The following SCAF4 variants were observed in gnomAD, a reference collection of about 807,000 sequenced individuals.
SCAF4 encodes SR-related CTD associated factor 4, also known as SR-related and CTD-associated factor 4.
A neutral mutation model predicts 129.8 loss-of-function variants in SCAF4; 25 were observed. The ratio of observed to expected loss-of-function variants is 0.19; its 90% confidence interval spans 0.14 to 0.27. The LOEUF is 0.27. SCAF4 is among the 10% of genes least tolerant of loss of function. SCAF4 has a pLI of 1.00. For synonymous variants in SCAF4, 551 were observed against 497.7 expected (o/e 1.11, Z -1.43); for missense variants, 1,246 against 1,457.1 (o/e 0.86, Z 2.36).
chr21:31,686,769 G>A (rs999964441), intron 16 of SCAF4, among the ~76,000 whole-genome samples: 1 of 152,136 alleles, frequency 6.6e-6, no homozygotes, highest in African/African-American at 2.4e-5. Flanking sequence ...GAACCCTGTC[G>A]TGAAATGCAC....
intron 1 of SCAF4, among the ~76,000 whole-genome samples, chr21:31,711,361 C>CA (rs1480311490): frequency 6.6e-6 from 1 of 152,240 alleles, no homozygotes; most frequent in Non-Finnish European, 1.5e-5. Flanking sequence ...CTGATACCTA[C>CA]AGCAATGCCT....
chr21:31,676,704 A>G (rs1271276384), intron 19 of SCAF4, among the ~76,000 whole-genome samples: 2 of 152,188 alleles, frequency 1.3e-5, no homozygotes, highest in African/African-American at 4.8e-5. Flanking sequence ...GTAAGGTAAA[A>G]TTCACACATC....
At chr21:31,722,875 C>T (rs189652735) in intron 1 of SCAF4, among the ~76,000 whole-genome samples, 51 of 152,284 alleles carry the variant, frequency 3.3e-4, no homozygotes, top group African/African-American at 1.0e-3. Flanking sequence ...ACCGCTTGAA[C>T]CCAGGAGGCG....
chr21:31,688,561 G>T, intron 15 of SCAF4, 97 bp from the exon 16 acceptor site: 2 of 957,914 alleles, frequency 2.1e-6, no homozygotes, highest in Non-Finnish European at 3.2e-6. Flanking sequence ...ACCTAGCCCA[G>T]TTATTAAAGA....
At position 31,719,774 on chromosome 21, in the gene SCAF4, G is replaced by C. The variant is rs551243447; in HGVS notation, c.30+11889C>G. The stretch of plus-strand genomic sequence containing the variant: ...CTGCCTTGGCCTCCCAAAGTGCTGG[G>C]ATTACAGGCGTGAGCCACCGCGCCT... On this transcript the variant is annotated intron_variant, in intron 1 of 19. Coordinates refer to ENST00000286835, the MANE Select transcript of SCAF4 (RefSeq NM_020706.2). Among the ~76,000 whole-genome samples the C allele has an allele frequency of 2.1e-3, 314 of 152,264 alleles. 1 individual carries two copies. The highest frequency in any genetic ancestry group is 6.8e-3 in the African/African-American group (284 of 41,560).
In SCAF4 at chr21:31,703,871, T is replaced by C; in HGVS notation, c.215A>G (p.Gln72Arg). 6.3e-7 allele frequency: 1 copy of C among 1,598,760 alleles called. No homozygotes were observed. The highest frequency in any genetic ancestry group is 8.6e-7 in the Non-Finnish European group (1 of 1,169,074). ...GLYVIDSIVRQSRHQFGTDKD... is the reference protein window; with the variant it reads ...GLYVIDSIVRRSRHQFGTDKD... ...ATCAGTTCCAAACTGATGACGAGAC[T>C]GTCGCACAATTGAGTCAATTACATA... Residue 72 changes from glutamine to arginine, a missense_variant, in exon 4 of 20, where the codon CAG becomes CGG. Gln to Arg is a conservative substitution (Grantham distance 43, BLOSUM62 1). Around this residue, in one of 6 missense-constraint regions of SCAF4, gnomAD observed 56 missense variants for 139.4 expected, o/e 0.40. Transcript: ENST00000286835.
At chr21:31,708,380 TAAA>T (rs1189936689) in intron 1 of SCAF4, among the ~76,000 whole-genome samples, 1 of 138,948 alleles carries the variant, frequency 7.2e-6, no homozygotes, top group Admixed American at 7.3e-5. Flanking sequence ...ACTCTGTCTT[TAAA>T]AAAAAAAAAG....
At chr21:31,723,303 T>C (rs775827549) in intron 1 of SCAF4, among the ~76,000 whole-genome samples, 3 of 151,862 alleles carry the variant, frequency 2.0e-5, no homozygotes, top group Non-Finnish European at 4.4e-5. Context: ...AATACAAAAA[T>C]TGGCCGGGCC....
chr21:31,686,203 C>CAAAAAAAAAAAAAGAAA (rs1251843857), intron 16 of SCAF4, among the ~76,000 whole-genome samples: 1 of 75,898 alleles, frequency 1.3e-5, no homozygotes, highest in Non-Finnish European at 3.3e-5. Flanking sequence ...ACTTGGTCTT[C>CAAAAAAAAAAAAAGAAA]AAAAAAAAAA....
intron 15 of SCAF4, 118 bp downstream of exon 15, chr21:31,690,679 G>A: frequency 2.5e-6 from 2 of 809,140 alleles, no homozygotes; most frequent in Non-Finnish European, 3.9e-6. Context: ...ACTGACACAG[G>A]AGGGATCCTA....
At chr21:31,676,629 G>A (rs1032260129) in intron 19 of SCAF4, among the ~76,000 whole-genome samples, 3 of 152,156 alleles carry the variant, frequency 2.0e-5, no homozygotes, top group Non-Finnish European at 4.4e-5. Flanking sequence ...TGTCCTGGAT[G>A]AGGACACATG....
At position 31,672,101 on chromosome 21, in the gene SCAF4, G is replaced by T. The variant is rs761679973; in HGVS notation, c.2742C>A (p.Pro914=). The T allele has an allele frequency of 5.6e-6, 9 of 1,612,596 alleles. No individual in the cohort carries two copies. The highest frequency in any genetic ancestry group is 7.6e-6 in the Non-Finnish European group (9 of 1,178,882). ...GMKGPFPPHG[P]FVRPGGMPGL... ...CTGGCATTCCACCAGGCCTAACAAA[G>T]GGGCCATGCGGTGGGAAGGGACCTT... The change falls in exon 20 of 20, where the codon CCC becomes CCA. Residue 914 remains proline, a synonymous_variant. Coordinates refer to ENST00000286835, the MANE Select transcript of SCAF4 (RefSeq NM_020706.2).
intron 19 of SCAF4, among the ~76,000 whole-genome samples, chr21:31,674,321 A>C (rs766001612): frequency 9.9e-5 from 15 of 152,232 alleles, no homozygotes; most frequent in Non-Finnish European, 2.2e-4. Context: ...AATTTTTATA[A>C]AGAATTGCCT....
rs77745784 is a variant in SCAF4 at position 31,673,520 on chromosome 21, G to A, written c.2489-1166C>T. Among the ~76,000 whole-genome samples, 142 of 134,818 alleles carry A rather than the reference G, an allele frequency of 1.1e-3. 3 individuals carry two copies. The East Asian group carries it at 0.027, about 25-fold the overall frequency. The allele number at this position is 134,818 out of a possible 152,430, so 88.4% of individuals were successfully genotyped here. A position where few individuals can be genotyped will look rare whatever the true frequency, so the allele number is the denominator to read the frequency against. ...CAAAAGCGCCAGAAATTGTGAAATG[G>A]ATGAGGTGATGGCTCTGTCCCTTCA... On this transcript the variant is annotated intron_variant, in intron 19 of 19. Transcript: ENST00000286835.
chr21:31,693,190 C>T, intron 12 of SCAF4, 104 bp downstream of exon 12: 2 of 798,510 alleles, frequency 2.5e-6, no homozygotes, highest in South Asian at 3.7e-5. Context: ...AAAATCAACA[C>T]AGTGGTAACA....
In SCAF4 at chr21:31,688,605, T is replaced by C. The variant is rs1387085300; in HGVS notation, c.1886-141A>G. 1.9e-5 allele frequency: 13 copies of C among 687,184 alleles called. No individual in the cohort carries two copies. In the East Asian group the frequency reaches 3.5e-4, roughly 19 times the overall value. The allele number at this position is 687,184 out of a possible 1,614,324, so 42.6% of individuals were successfully genotyped here. On this transcript the variant is annotated intron_variant, in intron 15 of 19. Transcript: ENST00000286835. The stretch of plus-strand genomic sequence containing the variant: ...TGCTAATTTTAGAAATAGTAATTAT[T>C]TAAATTAACAACAATAGAAACATGT...
At chr21:31,702,074 G>A (rs1020259343) in intron 5 of SCAF4, among the ~76,000 whole-genome samples, 156 bp from the exon 6 acceptor site, 2 of 152,158 alleles carry the variant, frequency 1.3e-5, no homozygotes, top group Non-Finnish European at 2.9e-5. Flanking sequence ...ACTACCAGAA[G>A]AGCAGACCTT....
chr21:31,680,129 C>G (rs543346798), intron 19 of SCAF4, among the ~76,000 whole-genome samples: 13 of 152,302 alleles, frequency 8.5e-5, no homozygotes, highest in African/African-American at 3.1e-4. Context: ...AGATGTCCCT[C>G]AGAGAGATTT....
At chr21:31,717,868 CACATATACACAT>C (rs1302101755) in intron 1 of SCAF4, among the ~76,000 whole-genome samples, 28 of 121,034 alleles carry the variant, frequency 2.3e-4, no homozygotes, top group Non-Finnish European at 3.1e-4. Context: ...CACACACACA[CACATATACACAT>C]ATATACACAT....
Sources: allele counts gnomAD v4.1 joint callset (sites outside exome capture counted in the v4.1 genomes callset), GRCh38; gene constraint gnomAD v4.1.1; regional missense constraint gnomAD v4.1.1; transcripts MANE v1.5; gene names NCBI Gene and HGNC (gene_info 2026-07-23, HGNC 2026-07-21).